The following CACHD1 variants were observed in gnomAD, a reference collection of about 807,000 sequenced individuals.
CACHD1 encodes the protein cache domain containing 1.
In CACHD1, 71 loss-of-function variants were observed where a neutral mutation model predicts 138.7. The ratio of observed to expected loss-of-function variants is 0.51; its 90% confidence interval spans 0.42 to 0.62. The LOEUF is 0.62. Ranked by LOEUF, CACHD1 falls within the 20% of genes least tolerant of loss-of-function variation. The pLI is 0.00. For missense variants in CACHD1, 1,389 were observed against 1,625.3 expected (o/e 0.85, Z 2.50); for synonymous variants, 578 against 591.5 (o/e 0.98, Z 0.33).
intron 15 of CACHD1, among the ~76,000 whole-genome samples, chr1:64,665,612 G>A (rs1486038572): frequency 3.9e-5 from 6 of 152,200 alleles, no homozygotes; most frequent in African/African-American, 9.6e-5. Flanking sequence ...TACAAAAGAT[G>A]AGAATCCTTT....
At chr1:64,639,156 A>T (rs997008346) in intron 7 of CACHD1, among the ~76,000 whole-genome samples, 1 of 152,196 alleles carries the variant, frequency 6.6e-6, no homozygotes, top group East Asian at 1.9e-4. Flanking sequence ...GTCACCCTAG[A>T]TGTGTCCAGG....
intron 8 of CACHD1, among the ~76,000 whole-genome samples, chr1:64,642,995 C>T (rs925672396): frequency 8.4e-6 from 1 of 119,402 alleles, no homozygotes; most frequent in African/African-American, 3.2e-5. Context: ...GCTGAGATTG[C>T]AGCACTGCAC....
intron 26 of CACHD1, among the ~76,000 whole-genome samples, chr1:64,682,508 G>C (rs772169345): frequency 6.6e-6 from 1 of 152,152 alleles, no homozygotes; most frequent in Non-Finnish European, 1.5e-5. Flanking sequence ...CTCTGGCATG[G>C]TCTGGGGAGC....
chr1:64,690,897 C>T (rs1650527082), intron 26 of CACHD1, among the ~76,000 whole-genome samples: 1 of 152,192 alleles, frequency 6.6e-6, no homozygotes, highest in Non-Finnish European at 1.5e-5. Context: ...CTTCTTGAAG[C>T]TGTCCATTTT....
chr1:64,477,211 T>C (rs1646178841), intron 1 of CACHD1, among the ~76,000 whole-genome samples: 1 of 152,172 alleles, frequency 6.6e-6, no homozygotes, highest in Admixed American at 6.5e-5. Flanking sequence ...TGAGAGCAGT[T>C]CATTTAGTGC....
chr1:64,531,522 TG>T (rs1252928117), intron 1 of CACHD1, among the ~76,000 whole-genome samples: 11 of 152,116 alleles, frequency 7.2e-5, no homozygotes, highest in East Asian at 3.9e-4. Context: ...TGTGTGTGTG[TG>T]TGTGTGTCTG....
intron 2 of CACHD1, among the ~76,000 whole-genome samples, chr1:64,563,434 C>T (rs1646857690): frequency 6.6e-6 from 1 of 152,172 alleles, no homozygotes; most frequent in African/African-American, 2.4e-5. Context: ...TAGAATTCAC[C>T]TGAAAGCAAG....
chr1:64,605,479 T>C (rs1647309261), intron 4 of CACHD1, among the ~76,000 whole-genome samples: 1 of 152,228 alleles, frequency 6.6e-6, no homozygotes, highest in African/African-American at 2.4e-5. Context: ...GAAGGAATTA[T>C]GGACGACTTT....
chr1:64,579,585 T>C (rs1646995661), intron 2 of CACHD1, among the ~76,000 whole-genome samples: 1 of 152,188 alleles, frequency 6.6e-6, no homozygotes, highest in South Asian at 2.1e-4. Flanking sequence ...ATTTACTTTA[T>C]CAGAAGTCAG....
chr1:64,681,775 A>G (rs1221663526), intron 25 of CACHD1, among the ~76,000 whole-genome samples: 1 of 152,104 alleles, frequency 6.6e-6, no homozygotes, highest in Non-Finnish European at 1.5e-5. Flanking sequence ...GCCTTCAGCT[A>G]CTAGACCATA....
chr1:64,589,274 T>C (rs1647077805), intron 3 of CACHD1, among the ~76,000 whole-genome samples: 1 of 152,142 alleles, frequency 6.6e-6, no homozygotes. Flanking sequence ...TTAGTGCATT[T>C]CCAGCTGGCA....
chr1:64,688,544 A>C (rs1650439032), intron 26 of CACHD1, among the ~76,000 whole-genome samples: 1 of 152,050 alleles, frequency 6.6e-6, no homozygotes, highest in Non-Finnish European at 1.5e-5. Context: ...GTGCACTTGA[A>C]CAGTCCACAC....
intron 3 of CACHD1, among the ~76,000 whole-genome samples, chr1:64,602,079 A>AAGCTACT (rs1557514221): frequency 6.6e-6 from 1 of 152,214 alleles, no homozygotes; most frequent in African/African-American, 2.4e-5. Context: ...ATTTATTGAT[A>AAGCTACT]AGCTACTAGC....
At chr1:64,509,911 T>C (rs901564800) in intron 1 of CACHD1, among the ~76,000 whole-genome samples, 1 of 151,274 alleles carries the variant, frequency 6.6e-6, no homozygotes, top group Non-Finnish European at 1.5e-5. Flanking sequence ...GAAGAAATAA[T>C]ACCTTTCAGA....
intron 16 of CACHD1, 106 bp downstream of exon 16, chr1:64,666,273 C>G: frequency 1.6e-6 from 1 of 607,948 alleles, no homozygotes; most frequent in East Asian, 3.0e-5. Context: ...AGAAGCATGA[C>G]CTTTAAAGTG....
intron 2 of CACHD1, among the ~76,000 whole-genome samples, chr1:64,561,594 C>T (rs7550671): frequency 0.75 from 114,756 of 152,002 alleles, 46,246 homozygotes; most frequent in Non-Finnish European, 0.89. Flanking sequence ...AGCTCACACT[C>T]GTAATCCCAG....
At chr1:64,643,497 A>G (rs1328598789) in intron 8 of CACHD1, among the ~76,000 whole-genome samples, 1 of 152,182 alleles carries the variant, frequency 6.6e-6, no homozygotes, top group African/African-American at 2.4e-5. Flanking sequence ...TAAATAAGCA[A>G]TATATGATTG....
chr1:64,535,838 T>C (rs1009981996), intron 1 of CACHD1, among the ~76,000 whole-genome samples: 2 of 152,092 alleles, frequency 1.3e-5, no homozygotes, highest in Admixed American at 1.3e-4. Flanking sequence ...TCATCTGTGG[T>C]GGTGGGGGGC....
intron 1 of CACHD1, among the ~76,000 whole-genome samples, chr1:64,501,581 T>A (rs1411763892): frequency 6.6e-6 from 1 of 152,228 alleles, no homozygotes; most frequent in Non-Finnish European, 1.5e-5. Context: ...TTTCTAGAAA[T>A]TACATCTTCT....
Sources: gnomAD v4.1 joint callset for allele counts (sites outside exome capture counted in the v4.1 genomes callset) on GRCh38, gnomAD v4.1.1 for gene constraint, MANE v1.5 for transcripts, NCBI Gene and HGNC (gene_info 2026-07-23, HGNC 2026-07-21) for gene names.